The following CSGALNACT1 variants were observed in gnomAD, a reference collection of about 807,000 sequenced individuals.
The protein encoded by CSGALNACT1 is beta4GalNAcT-1.
A neutral mutation model predicts 51.0 loss-of-function variants in CSGALNACT1; 52 were observed. That is an observed-to-expected ratio of 1.02 (90% confidence interval 0.82 to 1.29). The LOEUF is 1.29. Among genes scored for constraint, CSGALNACT1 ranks in the 50% most tolerant of loss-of-function variants. The pLI is 0.00. For missense variants in CSGALNACT1, 935 were observed against 679.2 expected, an observed-to-expected ratio of 1.38 and a Z score of -4.19; for synonymous variants, 341 against 254.4, an observed-to-expected ratio of 1.34 and a Z score of -3.24.
chr8:19,528,023 G>A lies in CSGALNACT1; in HGVS notation c.-296-21893C>T, dbSNP rs945331984. Among the ~76,000 whole-genome samples the A allele has an allele frequency of 4.6e-5, 7 of 152,216 alleles. No individual in the cohort carries two copies. The South Asian group carries it at 6.2e-4, about 14-fold the overall frequency. ...TAGGAACTCCAACATCAAACAGCCA[G>A]GAAGAGGAAATAAGCCTGCAAAGCA... On this transcript the variant is annotated intron_variant, in intron 3 of 9. Transcript: ENST00000454498.
upstream of CSGALNACT1, among the ~76,000 whole-genome samples, chr8:19,606,477 C>G (rs537257748): frequency 6.6e-6 from 1 of 152,276 alleles, no homozygotes; most frequent in African/African-American, 2.4e-5. Flanking sequence ...ATATCCTTAA[C>G]CACATTCCTT....
At chr8:19,636,321 T>C (rs2056056088) in intron 1 of CSGALNACT1, among the ~76,000 whole-genome samples, 1 of 152,260 alleles carries the variant, frequency 6.6e-6, no homozygotes, top group South Asian at 2.1e-4. Context: ...TAGATAAGTA[T>C]ATATTCAAAA....
At chr8:19,472,204 T>C (rs2068353172) in intron 4 of CSGALNACT1, among the ~76,000 whole-genome samples, 1 of 152,156 alleles carries the variant, frequency 6.6e-6, no homozygotes. Context: ...CAGCTGCCAT[T>C]ATTAGGGCCA....
intron 9 of CSGALNACT1, 108 bp from the exon 9 acceptor site, chr8:19,406,177 T>A: frequency 7.9e-7 from 1 of 1,262,550 alleles, no homozygotes; most frequent in Non-Finnish European, 1.2e-6. Context: ...GGGGGATGCG[T>A]GCTTCACCAC....
At chr8:19,436,878 T>C (rs2060468418) in intron 6 of CSGALNACT1, among the ~76,000 whole-genome samples, 2 of 152,224 alleles carry the variant, frequency 1.3e-5, no homozygotes, top group Non-Finnish European at 2.9e-5. Context: ...ACCACTGCAC[T>C]CTAGTCTGGG....
At chr8:19,637,120 C>A (rs1025358215) in intron 1 of CSGALNACT1, among the ~76,000 whole-genome samples, 1 of 152,050 alleles carries the variant, frequency 6.6e-6, no homozygotes, top group African/African-American at 2.4e-5. Context: ...GCAGGAGAAT[C>A]GCTTGAACCC....
At chr8:19,406,986 G>C (rs1406432482) in intron 9 of CSGALNACT1, among the ~76,000 whole-genome samples, 1 of 152,194 alleles carries the variant, frequency 6.6e-6, no homozygotes, top group Non-Finnish European at 1.5e-5. Flanking sequence ...TGGGAATACA[G>C]GCATGAGCCA....
intron 1 of CSGALNACT1, among the ~76,000 whole-genome samples, chr8:19,681,227 C>A (rs190793171): frequency 9.9e-5 from 15 of 152,090 alleles, no homozygotes; most frequent in Admixed American, 3.3e-4. Flanking sequence ...CAACACCAAG[C>A]AATAGGAAGA....
intron 1 of CSGALNACT1, among the ~76,000 whole-genome samples, chr8:19,731,948 A>G (rs1221538922): frequency 1.3e-5 from 2 of 152,222 alleles, no homozygotes; most frequent in African/African-American, 2.4e-5. Context: ...TGGCATTTCA[A>G]TTATGTATGG....
intron 3 of CSGALNACT1, among the ~76,000 whole-genome samples, chr8:19,575,163 T>C (rs570286248): frequency 2.5e-4 from 38 of 152,340 alleles, no homozygotes; most frequent in African/African-American, 8.4e-4. Context: ...CAAAATGCAA[T>C]TTTAAAATTC....
chr8:19,442,716 T>TTAA (rs1554548742), intron 5 of CSGALNACT1, among the ~76,000 whole-genome samples: 3 of 143,238 alleles, frequency 2.1e-5, no homozygotes, highest in Non-Finnish European at 4.5e-5. Context: ...ACTTAAAGTA[T>TTAA]AAAAAAAAAA....
chr8:19,570,793 G>C (rs1403591621), intron 3 of CSGALNACT1, among the ~76,000 whole-genome samples: 3 of 152,058 alleles, frequency 2.0e-5, no homozygotes, highest in Non-Finnish European at 4.4e-5. Context: ...CCAGCTACTT[G>C]GGAGGCTGAA....
intron 2 of CSGALNACT1, among the ~76,000 whole-genome samples, chr8:19,594,690 C>T (rs1318256461): frequency 1.4e-4 from 22 of 151,834 alleles, no homozygotes. Context: ...ATTACAGGTA[C>T]ACGCCACCAG....
chr8:19,506,154 C>A, intron 3 of CSGALNACT1, 24 bp from the exon 3 acceptor site: 2 of 557,144 alleles, frequency 3.6e-6, no homozygotes, highest in Admixed American at 2.2e-5. Context: ...CAAATGACAT[C>A]AACACTTAAT....
intron 8 of CSGALNACT1, among the ~76,000 whole-genome samples, chr8:19,408,957 C>CACACACACACACACACACACACAG (rs1296691871): frequency 1.3e-5 from 2 of 151,592 alleles, no homozygotes; most frequent in Non-Finnish European, 2.9e-5. Context: ...AAAACACACA[C>CACACACACACACACACACACACAG]ACACACACAC....
At chr8:19,674,209 T>C (rs1372508160) in intron 1 of CSGALNACT1, among the ~76,000 whole-genome samples, 2 of 152,050 alleles carry the variant, frequency 1.3e-5, no homozygotes, top group East Asian at 3.9e-4. Flanking sequence ...AGGAGAATTG[T>C]TCGAACCTGG....
chr8:19,578,577 G>A (rs1463637358), intron 3 of CSGALNACT1, among the ~76,000 whole-genome samples: 1 of 152,138 alleles, frequency 6.6e-6, no homozygotes, highest in Non-Finnish European at 1.5e-5. Flanking sequence ...CTGCTTTACT[G>A]CAGATCCTAC....
At chr8:19,422,676 C>T (rs561152590) in intron 6 of CSGALNACT1, among the ~76,000 whole-genome samples, 38 of 152,350 alleles carry the variant, frequency 2.5e-4, no homozygotes, top group African/African-American at 8.4e-4. Flanking sequence ...GTCAAGGACA[C>T]GCTATCCTCC....
chr8:19,597,278 C>CTTCT (rs2049125857), intron 2 of CSGALNACT1, among the ~76,000 whole-genome samples: 1 of 123,568 alleles, frequency 8.1e-6, no homozygotes, highest in African/African-American at 3.2e-5. Context: ...CTGCCTCTAT[C>CTTCT]TTCTTTCTTT....
Sources: allele counts gnomAD v4.1 joint callset (sites outside exome capture counted in the v4.1 genomes callset), GRCh38; gene constraint gnomAD v4.1.1; transcripts MANE v1.5; gene names NCBI Gene and HGNC (gene_info 2026-07-23, HGNC 2026-07-21).